The following TLK2 variants were observed in gnomAD, a reference collection of about 807,000 sequenced individuals.
TLK2 encodes tousled like kinase 2, also known as serine/threonine-protein kinase tousled-like 2.
TLK2 carries 6 observed loss-of-function variants against 117.3 expected under a neutral mutation model. The observed-to-expected ratio is 0.05, with a 90% CI of 0.03 to 0.10. The LOEUF (loss-of-function observed/expected upper bound fraction) is 0.10. TLK2 is among the 10% of genes least tolerant of loss of function. The pLI is 1.00. For synonymous variants in TLK2, 257 were observed against 316.7 expected, an observed-to-expected ratio of 0.81 and a Z score of 2.00; for missense variants, 299 against 901.2, an observed-to-expected ratio of 0.33 and a Z score of 8.56.
upstream of TLK2, among the ~76,000 whole-genome samples, chr17:62,475,362 TAG>T (rs751847933): frequency 2.0e-5 from 3 of 152,268 alleles, no homozygotes; most frequent in East Asian, 5.8e-4. Flanking sequence ...ATTATTATTT[TAG>T]AGAGAGGCCT....
At chr17:62,499,073 A>AC (rs1466074071) in intron 2 of TLK2, among the ~76,000 whole-genome samples, 3 of 151,602 alleles carry the variant, frequency 2.0e-5, no homozygotes, top group African/African-American at 7.3e-5. Flanking sequence ...AGGCGCAGTG[A>AC]CTCATGCCTG....
chr17:62,486,230 C>G (rs1243430274), intron 2 of TLK2, among the ~76,000 whole-genome samples: 1 of 151,966 alleles, frequency 6.6e-6, no homozygotes, highest in East Asian at 1.9e-4. Flanking sequence ...GATCTCGGCT[C>G]GCTGCAGCCT....
chr17:62,520,778 A>G lies in TLK2; in HGVS notation c.87A>G (p.Pro29=). ...RFTGVGVSKG[P]LNSESSNQSL... Reference sequence around the variant, plus strand: ...ATGATTTTTTTTTCTTTCAGGGACCACTTAATAGTGAGTCTTCCAACCAGA... The same window carrying G: ...ATGATTTTTTTTTCTTTCAGGGACCGCTTAATAGTGAGTCTTCCAACCAGA... Residue 29 remains proline, a synonymous_variant, in exon 3 of 22, where the codon CCA becomes CCG. Coordinates refer to ENST00000346027, the MANE Select transcript of TLK2 (RefSeq NM_006852.6). 1.2e-6 allele frequency: 2 copies of G among 1,612,306 alleles called. No homozygotes were observed. The highest frequency in any genetic ancestry group is 1.7e-6 in the Non-Finnish European group (2 of 1,179,300).
intron 11 of TLK2, among the ~76,000 whole-genome samples, chr17:62,567,956 G>C (rs537263580): frequency 1.3e-5 from 2 of 152,156 alleles, no homozygotes; most frequent in Non-Finnish European, 2.9e-5. Flanking sequence ...GCTTTCCACA[G>C]TATGTTTGAA....
In TLK2 at chr17:62,608,138, C is replaced by G; in HGVS notation, c.2069C>G (p.Pro690Arg). The change falls in exon 21 of 22, where the codon CCT (proline) becomes CGT (arginine). Residue 690 changes from proline to arginine, a missense_variant. This residue lies in a region of TLK2 where 81 missense variants were observed against 370.9 expected (regional missense o/e 0.22). Coordinates refer to ENST00000346027, the MANE Select transcript of TLK2 (RefSeq NM_006852.6). The part of the protein sequence containing the change: ...VQFPPKPVVT[P>R]EAKAFIRRCL... Reference sequence around the variant, plus strand: ...TTCCCGCCAAAGCCAGTAGTAACACCTGAAGCAAAGGTAAGTTTTGTTTGA... The same window carrying G: ...TTCCCGCCAAAGCCAGTAGTAACACGTGAAGCAAAGGTAAGTTTTGTTTGA... The G allele has an allele frequency of 6.2e-7, 1 of 1,612,898 alleles. No homozygotes were observed. Among genetic ancestry groups the G allele is most frequent in the Non-Finnish European group, 8.5e-7 (1 of 1,179,712 alleles).
chr17:62,516,977 C>T (rs2075650359), intron 2 of TLK2, among the ~76,000 whole-genome samples: 2 of 152,122 alleles, frequency 1.3e-5, no homozygotes, highest in Non-Finnish European at 2.9e-5. Flanking sequence ...GTAATCTCAG[C>T]TCACTGCAAC....
chr17:62,517,030 CG>C (rs1156290344), intron 2 of TLK2, among the ~76,000 whole-genome samples: 2 of 152,036 alleles, frequency 1.3e-5, no homozygotes, highest in Non-Finnish European at 2.9e-5. Flanking sequence ...CTCAGCCACC[CG>C]AGTAGCTGGG....
chr17:62,571,614 G>A (rs145497912), intron 11 of TLK2, among the ~76,000 whole-genome samples: 3 of 152,200 alleles, frequency 2.0e-5, no homozygotes, highest in African/African-American at 7.2e-5. Context: ...CAGTGACCTG[G>A]CTCATCTTGA....
intron 20 of TLK2, among the ~76,000 whole-genome samples, chr17:62,607,743 A>G (rs2083424022): frequency 1.3e-5 from 2 of 152,006 alleles, no homozygotes; most frequent in Admixed American, 6.6e-5. Flanking sequence ...CCTGCTCTAG[A>G]TCTCCCTTTT....
At chr17:62,496,681 C>T (rs991498685) in intron 2 of TLK2, among the ~76,000 whole-genome samples, 5 of 152,054 alleles carry the variant, frequency 3.3e-5, no homozygotes, top group Non-Finnish European at 5.9e-5. Context: ...TGGGGCTGGG[C>T]ACGGTGTCTC....
intron 10 of TLK2, among the ~76,000 whole-genome samples, chr17:62,561,960 A>G (rs1163832938): frequency 6.6e-6 from 1 of 152,244 alleles, no homozygotes; most frequent in African/African-American, 2.4e-5. Flanking sequence ...GTATATAACA[A>G]AATTTAAATT....
At chr17:62,586,253 T>C (rs777639650) in intron 16 of TLK2, 27 bp downstream of exon 16, 9 of 1,520,192 alleles carry the variant, frequency 5.9e-6, no homozygotes, top group African/African-American at 1.4e-5. Flanking sequence ...TGTCTGACTT[T>C]TTAAAATTAA....
At chr17:62,606,050 T>A in intron 19 of TLK2, 80 bp from the exon 20 acceptor site, 1 of 515,824 alleles carries the variant, frequency 1.9e-6, no homozygotes, top group Admixed American at 3.8e-5. Flanking sequence ...TTCAACAAGA[T>A]ATTTTATTTT....
chr17:62,523,869 C>T (rs1350392901), intron 5 of TLK2, among the ~76,000 whole-genome samples: 2 of 152,268 alleles, frequency 1.3e-5, no homozygotes, highest in Admixed American at 6.5e-5. Flanking sequence ...TAGTGAGTTC[C>T]CTGACCCATC....
Position 62,524,233 on chromosome 17 carries a change from C to A in TLK2, c.268-3C>A. The A allele has an allele frequency of 6.2e-7, 1 of 1,613,858 alleles. No individual in the cohort carries two copies. Among genetic ancestry groups the A allele is most frequent in the Non-Finnish European group, 8.5e-7 (1 of 1,179,828 alleles). On this transcript the variant is annotated splice_polypyrimidine_tract_variant and splice_region_variant and intron_variant, in intron 5 of 21. Transcript: ENST00000346027. ...TTCATATCGGTTTTTCCCTGTTGGCCAGTTTGCTGGGGGAAGCGCGCCAGG... is the reference window on the plus strand; with the variant it reads ...TTCATATCGGTTTTTCCCTGTTGGCAAGTTTGCTGGGGGAAGCGCGCCAGG...
At chr17:62,548,240 A>ATG (rs59375141) in intron 7 of TLK2, among the ~76,000 whole-genome samples, 7,380 of 121,232 alleles carry the variant, frequency 0.061, 746 homozygotes, top group African/African-American at 0.21. Context: ...ATATATATAT[A>ATG]TGTGTGTGTG....
intron 2 of TLK2, among the ~76,000 whole-genome samples, chr17:62,497,018 G>A (rs2073763510): frequency 6.6e-6 from 1 of 151,782 alleles, no homozygotes; most frequent in East Asian, 1.9e-4. Flanking sequence ...AGCATTTTGG[G>A]TGGCCGAGGC....
chr17:62,574,291 C>G, intron 12 of TLK2: 1 of 1,532,672 alleles, frequency 6.5e-7, no homozygotes, highest in Non-Finnish European at 8.7e-7. Flanking sequence ...TTTGGGAAGT[C>G]TCTTCCTTGA....
At chr17:62,505,407 ATTT>A (rs544900638) in intron 2 of TLK2, among the ~76,000 whole-genome samples, 9 of 53,768 alleles carry the variant, frequency 1.7e-4, no homozygotes, top group South Asian at 9.3e-4. Flanking sequence ...CCATACCCAG[ATTT>A]TTTTTTTTTT....
Sources: allele counts gnomAD v4.1 joint callset (sites outside exome capture counted in the v4.1 genomes callset), GRCh38; gene constraint gnomAD v4.1.1; regional missense constraint gnomAD v4.1.1; transcripts MANE v1.5; gene names NCBI Gene and HGNC (gene_info 2026-07-23, HGNC 2026-07-21).